The following PHF6 variants were observed in gnomAD, a reference collection of about 807,000 sequenced individuals.
The protein encoded by PHF6 is PHD finger protein 6, also known as PHD-like zinc finger protein.
Under a neutral mutation model 34.0 loss-of-function variants are expected in PHF6, and 7 were observed. The ratio of observed to expected loss-of-function variants is 0.21; its 90% CI spans 0.12 to 0.39. The LOEUF is 0.39. Ranked by LOEUF, PHF6 falls within the 10% of genes least tolerant of loss-of-function variation. The probability of loss-of-function intolerance (pLI) is 1.00; values close to 1 mark genes in which losing one functional copy is unlikely to be tolerated. For synonymous variants in PHF6, 89 were observed against 88.4 expected (o/e 1.01, Z -0.04); for missense variants, 128 against 262.8 (o/e 0.49, Z 3.55).
intron 3 of PHF6, among the ~76,000 whole-genome samples, chrX:134,389,572 G>A (rs1602698356): frequency 9.0e-6 from 1 of 111,652 alleles, no homozygotes; most frequent in Non-Finnish European, 1.9e-5. Flanking sequence ...CCTTTTTCTA[G>A]GGAAGGCCTC....
Position 134,426,566 on chromosome X carries a change from A to G in PHF6, c.*906A>G, listed in dbSNP as rs1425430993. The G allele has an allele frequency of 6.2e-6, 1 of 160,262 alleles. No individual in the cohort carries two copies. The highest frequency in any genetic ancestry group is 8.3e-5 in the Admixed American group (1 of 12,095). The allele number at this position is 160,262 out of a possible 1,213,427, so 13.2% of individuals were successfully genotyped here. A position where few individuals can be genotyped will look rare whatever the true frequency, so the allele number is the denominator to read the frequency against. On this transcript the variant is annotated 3_prime_UTR_variant, in exon 11 of 11. Transcript: ENST00000370803. ...GTAGGAGTAAAAAAGTCTTTGCATA[A>G]AACAGTATTTATTTTTACTTTTGTG... is the stretch of plus-strand genomic sequence containing the variant.
At chrX:134,400,867 T>G (rs2077400126) in intron 5 of PHF6, among the ~76,000 whole-genome samples, 1 of 111,552 alleles carries the variant, frequency 9.0e-6, no homozygotes, top group Non-Finnish European at 1.9e-5. Context: ...AATTGGGATC[T>G]TGCCAAGTGA....
At chrX:134,403,029 A>G (rs1214368928) in intron 5 of PHF6, among the ~76,000 whole-genome samples, 1 of 111,659 alleles carries the variant, frequency 9.0e-6, no homozygotes, top group Non-Finnish European at 1.9e-5. Flanking sequence ...TCTAAGACAT[A>G]ACAGTATTGA....
intron 3 of PHF6, among the ~76,000 whole-genome samples, chrX:134,379,519 G>A (rs1287100473): frequency 1.0e-5 from 1 of 96,932 alleles, no homozygotes; most frequent in Admixed American, 1.3e-4. Flanking sequence ...CTCAGCTCAC[G>A]GTAACCTCTC....
intron 5 of PHF6, 89 bp downstream of exon 5, chrX:134,394,041 C>T: frequency 1.2e-6 from 1 of 840,197 alleles, no homozygotes; most frequent in South Asian, 2.1e-5. Context: ...TTAATTTTAA[C>T]CATAAGACAT....
rs1295117696 is a variant in PHF6, at chrX:134,413,860, C to G, written c.623C>G (p.Thr208Ser). Residue 208 changes from threonine to serine, a missense_variant, in exon 7 of 11, where the codon ACC (threonine) becomes AGC (serine). Physicochemically the swap from Thr to Ser is moderately conservative, Grantham distance 58. Around this residue, in one of 3 missense-constraint regions of PHF6, gnomAD observed 97 missense variants for 152.9 expected, o/e 0.63. Coordinates refer to ENST00000370803, the MANE Select transcript of PHF6 (RefSeq NM_001015877.2). ...CCACACAGAAGCAGCCCTAGTGACA[C>G]CAGGCCTAAATGTGGATTTTGCCAT... ...RSPHRSSPSD[T>S]RPKCGFCHVG... 7 of 1,208,635 alleles carry G rather than the reference C, an allele frequency of 5.8e-6. No individual in the cohort carries two copies. The South Asian group carries it at 1.2e-4, about 21-fold the overall frequency.
chrX:134,400,962 A>G (rs1303526219), intron 5 of PHF6, among the ~76,000 whole-genome samples: 1 of 112,049 alleles, frequency 8.9e-6, no homozygotes. Flanking sequence ...TGACAGCAGG[A>G]GAACAAGAAA....
intron 3 of PHF6, among the ~76,000 whole-genome samples, chrX:134,390,966 CT>C (rs60513999): frequency 6.5e-5 from 6 of 92,814 alleles, no homozygotes; most frequent in South Asian, 5.0e-4. Flanking sequence ...TTCTTTTTTT[CT>C]TTTTTTTTTC....
chrX:134,421,738 G>C (rs1336324857), intron 9 of PHF6, among the ~76,000 whole-genome samples: 4 of 108,626 alleles, frequency 3.7e-5, no homozygotes, highest in Non-Finnish European at 5.7e-5. Context: ...GTGATTATGT[G>C]TGTGTATTTA....
intron 3 of PHF6, among the ~76,000 whole-genome samples, chrX:134,390,970 T>TC (rs1302590942): frequency 1.9e-5 from 2 of 107,967 alleles, no homozygotes; most frequent in Non-Finnish European, 3.8e-5. Flanking sequence ...TTTTTTCTTT[T>TC]TTTTTTCTTT....
chrX:134,422,293 C>T, intron 9 of PHF6, among the ~76,000 whole-genome samples: 1 of 112,203 alleles, frequency 8.9e-6, no homozygotes. Context: ...GTTCCTTTTT[C>T]AGACATCTAG....
Position 134,377,646 on chromosome X carries a change from G to A in PHF6, c.29G>A (p.Gly10Glu), listed in dbSNP as rs1368145485. 1.7e-6 allele frequency: 2 copies of A among 1,209,437 alleles called. No individual in the cohort carries two copies. The highest frequency in any genetic ancestry group is 2.3e-4 in the Middle Eastern group (1 of 4,342). Residue 10 changes from glycine to glutamate, a missense_variant, in exon 2 of 11, where the codon GGG becomes GAG. Gly to Glu is a moderately conservative substitution (Grantham distance 98). This residue lies in a region of PHF6 where 97 missense variants were observed against 152.9 expected (regional missense o/e 0.63). Coordinates refer to ENST00000370803, the MANE Select transcript of PHF6 (RefSeq NM_001015877.2). ...TCAAGCTCAGTTGAACAGAAAAAAG[G>A]GCCTACAAGACAGCGCAAATGTGGC... MSSSVEQKKGPTRQRKCGFC... is the reference protein window; with the variant it reads MSSSVEQKKEPTRQRKCGFC...
chrX:134,425,453 T>C (rs1048160528), intron 10 of PHF6, 123 bp downstream of exon 10: 1 of 869,605 alleles, frequency 1.1e-6, no homozygotes, highest in African/African-American at 2.0e-5. Flanking sequence ...AAGAGCATGT[T>C]ACTAAAATGC....
intron 8 of PHF6, among the ~76,000 whole-genome samples, chrX:134,415,904 A>G (rs753362800): frequency 3.6e-5 from 4 of 110,646 alleles, no homozygotes; most frequent in Admixed American, 2.9e-4. Context: ...TAATAATTGG[A>G]CATTTTCTTA....
At chrX:134,408,423 C>A (rs762331490) in intron 5 of PHF6, among the ~76,000 whole-genome samples, 2 of 111,722 alleles carry the variant, frequency 1.8e-5, no homozygotes, top group African/African-American at 6.5e-5. Context: ...TGTCACGTGG[C>A]TTCTGAAACT....
At chrX:134,395,001 C>T (rs1243004739) in intron 5 of PHF6, among the ~76,000 whole-genome samples, 1 of 109,753 alleles carries the variant, frequency 9.1e-6, no homozygotes, top group Non-Finnish European at 1.9e-5. Flanking sequence ...TACAAGCACC[C>T]GCCACTACGC....
chrX:134,397,039 G>T (rs1450772235), intron 5 of PHF6, among the ~76,000 whole-genome samples: 1 of 111,364 alleles, frequency 9.0e-6, no homozygotes, highest in African/African-American at 3.3e-5. Flanking sequence ...AATTCATTCT[G>T]CCATGTTAGC....
At chrX:134,411,728 G>A (rs1292335189) in intron 5 of PHF6, among the ~76,000 whole-genome samples, 2 of 110,803 alleles carry the variant, frequency 1.8e-5, no homozygotes, top group African/African-American at 6.6e-5. Context: ...TTAATATTTG[G>A]CAAGTGCAAG....
intron 9 of PHF6, among the ~76,000 whole-genome samples, chrX:134,424,808 G>A (rs2077502671): frequency 8.9e-6 from 1 of 112,002 alleles, no homozygotes; most frequent in Admixed American, 9.5e-5. Flanking sequence ...AGTATAGATA[G>A]AATATATATT....
Sources: gnomAD v4.1 joint callset for allele counts (sites outside exome capture counted in the v4.1 genomes callset) on GRCh38, gnomAD v4.1.1 for gene constraint, gnomAD v4.1.1 regional missense constraint, MANE v1.5 for transcripts, NCBI Gene and HGNC (gene_info 2026-07-23, HGNC 2026-07-21) for gene names.